The following BMP2K variants were observed in gnomAD, a reference collection of about 807,000 sequenced individuals.
The protein encoded by BMP2K is BMP2 inducible kinase, also known as BMP-2-inducible protein kinase.
A neutral mutation model predicts 116.0 loss-of-function variants in BMP2K; 74 were observed. The observed-to-expected ratio is 0.64, with a 90% confidence interval of 0.53 to 0.77. BMP2K has a LOEUF of 0.77. Among genes scored for constraint, BMP2K ranks in the 30% least tolerant of loss-of-function variants. The pLI, the probability that BMP2K is intolerant of heterozygous loss-of-function variation, is 0.00. For synonymous variants in BMP2K, 486 were observed against 502.5 expected (o/e 0.97, Z 0.44); for missense variants, 1,365 against 1,403.6 (o/e 0.97, Z 0.44).
chr4:78,824,699 CTTA>C (rs1729787795), intron 1 of BMP2K, among the ~76,000 whole-genome samples: 1 of 152,080 alleles, frequency 6.6e-6, no homozygotes, highest in Non-Finnish European at 1.5e-5. Flanking sequence ...GTGCAGGTGA[CTTA>C]TTATTGCTCA....
chr4:78,872,622 G>A lies in BMP2K; in HGVS notation c.1617G>A (p.Gln539=), dbSNP rs761287817. The change falls in exon 13 of 16, where the codon CAG becomes CAA. Residue 539 remains glutamine, a synonymous_variant. Transcript: ENST00000502613. ...ATCATTTCTTTTTTCAGATGCCGCAGTATCAGCAGGCTTTCTTTCAACAGC... is the reference window on the plus strand; with the variant it reads ...ATCATTTCTTTTTTCAGATGCCGCAATATCAGCAGGCTTTCTTTCAACAGC... ...SASQYPTMMP[Q]YQQAFFQQQM... 6.2e-7 allele frequency: 1 copy of A among 1,613,750 alleles called. No individual in the cohort carries two copies.
At chr4:78,779,567 CAT>C (rs1328750609) in intron 1 of BMP2K, among the ~76,000 whole-genome samples, 1 of 152,152 alleles carries the variant, frequency 6.6e-6, no homozygotes, top group South Asian at 2.1e-4. Flanking sequence ...CCATTGTGCA[CAT>C]GTCTGCAATG....
intron 1 of BMP2K, among the ~76,000 whole-genome samples, chr4:78,783,716 G>T (rs1727608703): frequency 1.3e-5 from 2 of 152,132 alleles, no homozygotes; most frequent in Non-Finnish European, 2.9e-5. Context: ...TGAGGCAGGA[G>T]AATCCCTTGA....
intron 3 of BMP2K, among the ~76,000 whole-genome samples, chr4:78,834,791 T>C (rs1210354227): frequency 6.6e-6 from 1 of 152,162 alleles, no homozygotes; most frequent in Non-Finnish European, 1.5e-5. Flanking sequence ...TTTACTGCAG[T>C]ATTTTAAGGA....
In BMP2K at chr4:78,912,689, TTAAC is replaced by T. The variant is rs1265528567; in HGVS notation, c.*659_*662del. 3 of 152,176 alleles carry T rather than the reference TTAAC, an allele frequency of 2.0e-5. No homozygotes were observed. Among genetic ancestry groups the T allele is most frequent in the Non-Finnish European group, 4.4e-5 (3 of 68,040 alleles). The allele number at this position is 152,176 out of a possible 1,614,324, so 9.4% of individuals were successfully genotyped here. On this transcript the variant is annotated 3_prime_UTR_variant, in exon 16 of 16. Coordinates refer to ENST00000502613, the MANE Select transcript of BMP2K (RefSeq NM_198892.2). ...TGAAATAATGTGTAATTAGCTCAAT[TTAAC>T]TATTCCACAACTTACATATTCCAAA...
At chr4:78,812,279 AT>A (rs1458637025) in intron 1 of BMP2K, among the ~76,000 whole-genome samples, 2 of 151,784 alleles carry the variant, frequency 1.3e-5, no homozygotes, top group African/African-American at 2.4e-5. Flanking sequence ...TTTAATGGGA[AT>A]TTTTTTTTAA....
In BMP2K at chr4:78,913,913, T is replaced by TC. The variant is rs1560563757; in HGVS notation, c.*1881dup. 2.6e-5 allele frequency: 4 copies of TC among 151,932 alleles called. No homozygotes were observed. The highest frequency in any genetic ancestry group is 9.7e-5 in the African/African-American group (4 of 41,394). The allele number at this position is 151,932 out of a possible 1,614,324, so 9.4% of individuals were successfully genotyped here. A position where few individuals can be genotyped will look rare whatever the true frequency, so the allele number is the denominator to read the frequency against. Reference sequence around the variant, plus strand: ...ATATGTTTGCACCTTTTTTTTTTTTTCTGATTCTCAGGTTGATTAATACTG... The same window carrying TC: ...ATATGTTTGCACCTTTTTTTTTTTTTCCTGATTCTCAGGTTGATTAATACTG... On this transcript the variant is annotated 3_prime_UTR_variant, in exon 16 of 16. Transcript: ENST00000502613.
Position 78,910,762 on chromosome 4 carries a change from G to A in BMP2K, c.2215G>A (p.Glu739Lys). The A allele has an allele frequency of 6.2e-7, 1 of 1,613,854 alleles. No homozygotes were observed. The highest frequency in any genetic ancestry group is 2.2e-5 in the East Asian group (1 of 44,874). The change falls in exon 16 of 16, where the codon GAA becomes AAA. Residue 739 changes from glutamate (E) to lysine (K), a missense_variant. Physicochemically the swap from Glu to Lys is moderately conservative, Grantham distance 56 (BLOSUM62 1). Around this residue, in one of 3 missense-constraint regions of BMP2K, gnomAD observed 596 missense variants for 623.2 expected, o/e 0.96. Coordinates refer to ENST00000502613, the MANE Select transcript of BMP2K (RefSeq NM_198892.2). ...GGGTCAAGTGCAAAAGGGGAATGATGAATCTGAAAGTGATTTTGAATCAGA... is the reference window on the plus strand; with the variant it reads ...GGGTCAAGTGCAAAAGGGGAATGATAAATCTGAAAGTGATTTTGAATCAGA... ...VQGQVQKGNDESESDFESDPP... is the reference protein window; with the variant it reads ...VQGQVQKGNDKSESDFESDPP...
chr4:78,876,900 A>G (rs1054339326), intron 13 of BMP2K, among the ~76,000 whole-genome samples: 1 of 152,204 alleles, frequency 6.6e-6, no homozygotes, highest in Non-Finnish European at 1.5e-5. Context: ...CTACACATCT[A>G]GGCTTTATTA....
In BMP2K at chr4:78,789,453, T is replaced by TG. The variant is rs540763339; in HGVS notation, c.178+12733dup. On this transcript the variant is annotated intron_variant, in intron 1 of 15. Transcript: ENST00000502613. ...TCATAGCTCCTGTATGTATGGGCAT[T>TG]GTCCTTTGATTGGGGTGGGGACTTG... is the stretch of plus-strand genomic sequence containing the variant. Among the ~76,000 whole-genome samples, 42 of 152,352 alleles carry TG rather than the reference T, an allele frequency of 2.8e-4. No homozygotes were observed. The East Asian group carries it at 8.1e-3, about 29-fold the overall frequency.
rs548535247 is a variant in BMP2K at position 78,822,472 on chromosome 4, T to C, written c.179-3565T>C. 6.6e-5 allele frequency among the ~76,000 whole-genome samples: 10 copies of C among 152,290 alleles called. No homozygotes were observed. In the East Asian group the frequency reaches 1.7e-3, roughly 26 times the overall value. ...CAAAAGATACCAATTATTTTTCTTA[T>C]TTACTTTTATAAATACACATTTATT... On this transcript the variant is annotated intron_variant, in intron 1 of 15. Transcript: ENST00000502613.
rs1343745804 is a variant in BMP2K, at chr4:78,910,980, A to G, written c.2433A>G (p.Ala811=). 1 of 1,613,642 alleles carries G rather than the reference A, an allele frequency of 6.2e-7. No homozygotes were observed. Residue 811 remains alanine (A), a synonymous_variant, in exon 16 of 16, where the codon GCA becomes GCG. Coordinates refer to ENST00000502613, the MANE Select transcript of BMP2K (RefSeq NM_198892.2). ...ATTCTGATTATGAGCAGGCTAAAGCAAAGTACAGTGACATGAGCTCTGTCT... is the reference window on the plus strand; with the variant it reads ...ATTCTGATTATGAGCAGGCTAAAGCGAAGTACAGTGACATGAGCTCTGTCT... The part of the protein sequence containing the change: ...SSDSDYEQAK[A]KYSDMSSVYR...
At chr4:78,853,513 T>C (rs558622177) in intron 7 of BMP2K, among the ~76,000 whole-genome samples, 1 of 152,262 alleles carries the variant, frequency 6.6e-6, no homozygotes, top group African/African-American at 2.4e-5. Flanking sequence ...GAGAACCATT[T>C]AGAGGAGAAT....
At chr4:78,828,247 G>T (rs1385448657) in intron 2 of BMP2K, among the ~76,000 whole-genome samples, 1 of 152,190 alleles carries the variant, frequency 6.6e-6, no homozygotes, top group Non-Finnish European at 1.5e-5. Flanking sequence ...GTGGCTCACA[G>T]AACTCAGGGA....
intron 3 of BMP2K, among the ~76,000 whole-genome samples, chr4:78,838,089 C>T (rs1018596587): frequency 4.6e-5 from 7 of 152,196 alleles, no homozygotes; most frequent in African/African-American, 1.4e-4. Flanking sequence ...GCCTCACAAT[C>T]ATGGTGGAAG....
At chr4:78,865,296 G>A (rs1731987067) in intron 9 of BMP2K, among the ~76,000 whole-genome samples, 1 of 152,006 alleles carries the variant, frequency 6.6e-6, no homozygotes, top group Non-Finnish European at 1.5e-5. Context: ...GCAGTTTCTG[G>A]GACTATATTC....
intron 13 of BMP2K, among the ~76,000 whole-genome samples, chr4:78,877,466 A>G (rs1030264172): frequency 6.6e-6 from 1 of 152,076 alleles, no homozygotes; most frequent in Non-Finnish European, 1.5e-5. Flanking sequence ...GCCCGGGCCT[A>G]CACAAGATGT....
chr4:78,864,419 A>G (rs1393705511), intron 9 of BMP2K, among the ~76,000 whole-genome samples: 3 of 151,824 alleles, frequency 2.0e-5, no homozygotes, highest in Non-Finnish European at 4.4e-5. Flanking sequence ...CGGTGTATAT[A>G]TATATGTAAT....
chr4:78,796,084 A>C (rs1324415972), intron 1 of BMP2K, among the ~76,000 whole-genome samples: 5 of 152,132 alleles, frequency 3.3e-5, no homozygotes, highest in Non-Finnish European at 5.9e-5. Flanking sequence ...ATAAAGACAC[A>C]TGCACACGTA....
Sources: allele counts gnomAD v4.1 joint callset (sites outside exome capture counted in the v4.1 genomes callset), GRCh38; gene constraint gnomAD v4.1.1; regional missense constraint gnomAD v4.1.1; transcripts MANE v1.5; gene names NCBI Gene and HGNC (gene_info 2026-07-23, HGNC 2026-07-21).